The following AFAP1 variants were observed in gnomAD, a reference collection of about 807,000 sequenced individuals.
The protein encoded by AFAP1 is actin filament-associated protein 1.
AFAP1 carries 75 observed loss-of-function variants against 93.9 expected under a neutral mutation model. The ratio of observed to expected loss-of-function variants is 0.80; its 90% CI spans 0.66 to 0.97. AFAP1 has a LOEUF of 0.97. Among genes scored for constraint, AFAP1 ranks in the 50% least tolerant of loss-of-function variants. The pLI is 0.00. For synonymous variants in AFAP1, 517 were observed against 430.7 expected (o/e 1.20, Z -2.48); for missense variants, 1,201 against 1,050.8 (o/e 1.14, Z -1.98).
In AFAP1 at chr4:7,884,102, G is replaced by A. The variant is rs547818290; in HGVS notation, c.-2-12022C>T. Among the ~76,000 whole-genome samples, 10 of 152,150 alleles carry A rather than the reference G, an allele frequency of 6.6e-5. 1 individual carries two copies. In the South Asian group the frequency reaches 2.1e-3, roughly 32 times the overall value. ...TCAGGAAAAGTGGTTGTTTAAGTGT[G>A]GGGCAACTCCCCCACTCCCTCTCTT... On this transcript the variant is annotated intron_variant, in intron 1 of 17. Coordinates refer to ENST00000420658, the MANE Select transcript of AFAP1 (RefSeq NM_001134647.2).
intron 11 of AFAP1, among the ~76,000 whole-genome samples, chr4:7,793,358 A>T (rs1382255030): frequency 1.3e-5 from 2 of 152,212 alleles, no homozygotes; most frequent in African/African-American, 4.8e-5. Context: ...ATTAGAACAC[A>T]GACACACCCA....
intron 4 of AFAP1, among the ~76,000 whole-genome samples, chr4:7,854,911 G>C (rs1445248328): frequency 6.6e-6 from 1 of 152,130 alleles, no homozygotes; most frequent in Non-Finnish European, 1.5e-5. Flanking sequence ...GTAACAAACA[G>C]GTACTTCTGA....
At chr4:7,934,514 A>G (rs949875091) in intron 1 of AFAP1, among the ~76,000 whole-genome samples, 2 of 152,182 alleles carry the variant, frequency 1.3e-5, no homozygotes, top group African/African-American at 4.8e-5. Context: ...TTCTTCGAGG[A>G]CCAGGGCCGG....
rs113115468 is a variant in AFAP1, at chr4:7,832,332, GA to G, written c.726+6191del. Among the ~76,000 whole-genome samples, 72 of 145,308 alleles carry G rather than the reference GA, an allele frequency of 5.0e-4. 1 individual carries two copies. The highest frequency in any genetic ancestry group is 1.2e-3 in the African/African-American group (46 of 39,744). On this transcript the variant is annotated intron_variant, in intron 6 of 17. Transcript: ENST00000420658. ...GAGCCTCAGCCACTGCCAATAACAT[GA>G]AAAAAAAAAAGCATCTGTGTGTCCT...
intron 1 of AFAP1, among the ~76,000 whole-genome samples, chr4:7,877,746 G>A (rs564719585): frequency 6.6e-5 from 10 of 152,274 alleles, no homozygotes; most frequent in African/African-American, 2.2e-4. Flanking sequence ...CTGATGAGAC[G>A]TTATACCCAT....
chr4:7,826,658 G>C (rs890439232), intron 6 of AFAP1, among the ~76,000 whole-genome samples: 1 of 152,244 alleles, frequency 6.6e-6, no homozygotes, highest in African/African-American at 2.4e-5. Flanking sequence ...CCATGCCAAC[G>C]ACAGGAAACT....
At chr4:7,918,966 T>C (rs865797239) in intron 1 of AFAP1, among the ~76,000 whole-genome samples, 4,707 of 34,358 alleles carry the variant, frequency 0.14, 66 homozygotes, top group East Asian at 0.32. Flanking sequence ...ACAGGGCTGT[T>C]GGAAGAGACA....
intron 1 of AFAP1, among the ~76,000 whole-genome samples, chr4:7,898,755 C>T (rs755062157): frequency 2.5e-4 from 37 of 150,502 alleles, no homozygotes; most frequent in African/African-American, 8.1e-4. Context: ...TATTTTTTCA[C>T]GAACACTAAA....
At chr4:7,769,894 C>G (rs538090784) in intron 16 of AFAP1, among the ~76,000 whole-genome samples, 1 of 152,246 alleles carries the variant, frequency 6.6e-6, no homozygotes, top group African/African-American at 2.4e-5. Flanking sequence ...CCCTGGCTGC[C>G]GGGAGGGAGC....
chr4:7,918,632 G>A (rs562232101), intron 1 of AFAP1, among the ~76,000 whole-genome samples: 2 of 146,222 alleles, frequency 1.4e-5, no homozygotes, highest in Admixed American at 6.8e-5. Flanking sequence ...CCAGGAAACA[G>A]GGCTGCCGGA....
intron 6 of AFAP1, among the ~76,000 whole-genome samples, chr4:7,829,903 G>A (rs1721743630): frequency 6.6e-6 from 1 of 152,204 alleles, no homozygotes; most frequent in East Asian, 1.9e-4. Flanking sequence ...AGTGTGAGAT[G>A]AGATAAGCAT....
intron 1 of AFAP1, among the ~76,000 whole-genome samples, chr4:7,928,629 GC>G (rs1720903215): frequency 6.6e-6 from 1 of 152,152 alleles, no homozygotes; most frequent in Non-Finnish European, 1.5e-5. Flanking sequence ...CTCATGATTC[GC>G]CCACCTTGGC....
At chr4:7,896,055 T>A (rs1460577749) in intron 1 of AFAP1, among the ~76,000 whole-genome samples, 1 of 151,980 alleles carries the variant, frequency 6.6e-6, no homozygotes, top group Non-Finnish European at 1.5e-5. Flanking sequence ...GAGACTGGGT[T>A]TCTCCATGTT....
intron 4 of AFAP1, among the ~76,000 whole-genome samples, chr4:7,848,122 A>AGGAAGGAAGGAAGGAAGGAAGGAAGGAG (rs1370622969): frequency 8.8e-6 from 1 of 113,798 alleles, no homozygotes; most frequent in African/African-American, 3.4e-5. Context: ...GAAGGAAGGA[A>AGGAAGGAAGGAAGGAAGGAAGGAAGGAG]GGAAGGGAGT....
chr4:7,843,350 T>C lies in AFAP1; in HGVS notation c.335A>G (p.Asn112Ser), dbSNP rs758584423. 9.3e-6 allele frequency: 15 copies of C among 1,610,574 alleles called. No homozygotes were observed. In the South Asian group the frequency reaches 1.4e-4, roughly 15 times the overall value. ...GCTGCTCATCGCATCGGAATCATAA[T>C]CTGTAAAAAATAAACATACACTGGT... is the stretch of plus-strand genomic sequence containing the variant. ...PGKAPEYITSNYDSDAMSSSY... is the reference protein window; with the variant it reads ...PGKAPEYITSSYDSDAMSSSY... The change falls in exon 5 of 18, where the codon AAT becomes AGT. Residue 112 changes from asparagine to serine, a missense_variant and splice_region_variant. Coordinates refer to ENST00000420658, the MANE Select transcript of AFAP1 (RefSeq NM_001134647.2).
chr4:7,782,555 G>A (rs1716882246), intron 12 of AFAP1, among the ~76,000 whole-genome samples: 1 of 152,236 alleles, frequency 6.6e-6, no homozygotes, highest in African/African-American at 2.4e-5. Flanking sequence ...CACTGCATGG[G>A]ACAGAGGAAT....
chr4:7,799,573 A>G (rs1379438189), intron 10 of AFAP1, among the ~76,000 whole-genome samples: 1 of 152,158 alleles, frequency 6.6e-6, no homozygotes, highest in African/African-American at 2.4e-5. Flanking sequence ...TATCGATTCT[A>G]CAGCACAAGG....
At chr4:7,847,742 G>A (rs976724749) in intron 4 of AFAP1, among the ~76,000 whole-genome samples, 1 of 145,810 alleles carries the variant, frequency 6.9e-6, no homozygotes, top group Non-Finnish European at 1.5e-5. Context: ...GTAGTAAGTG[G>A]TACAGGTATT....
At chr4:7,905,248 C>T (rs1433389315) in intron 1 of AFAP1, among the ~76,000 whole-genome samples, 2 of 152,262 alleles carry the variant, frequency 1.3e-5, no homozygotes, top group Non-Finnish European at 2.9e-5. Flanking sequence ...CCTCTCTCCC[C>T]TGCAGCTGCA....
Sources: gnomAD v4.1 joint callset for allele counts (sites outside exome capture counted in the v4.1 genomes callset) on GRCh38, gnomAD v4.1.1 for gene constraint, MANE v1.5 for transcripts, NCBI Gene and HGNC (gene_info 2026-07-23, HGNC 2026-07-21) for gene names.